Variants in FAM135B observed in about 807,000 individuals in gnomAD.
FAM135B encodes protein FAM135B.
In FAM135B, 43 loss-of-function variants were observed where a neutral mutation model predicts 127.7. The ratio of observed to expected loss-of-function variants is 0.34; its 90% CI spans 0.26 to 0.43. The LOEUF (loss-of-function observed/expected upper bound fraction) is 0.43, where lower values mean the gene tolerates loss of function less well. Ranked by LOEUF, FAM135B falls within the 20% of genes least tolerant of loss-of-function variation. FAM135B has a pLI of 1.00. For synonymous variants in FAM135B, 670 were observed against 665.1 expected (o/e 1.01, Z -0.11); for missense variants, 1,558 against 1,725.6 (o/e 0.90, Z 1.72).
chr8:138,490,327 G>A (rs533050457), intron 1 of FAM135B, among the ~76,000 whole-genome samples: 6 of 152,330 alleles, frequency 3.9e-5, no homozygotes, highest in African/African-American at 1.4e-4. Context: ...AGGGACTCAA[G>A]ATCTAGACAA....
chr8:138,205,912 C>T (rs1021939435), intron 7 of FAM135B, among the ~76,000 whole-genome samples: 1 of 151,880 alleles, frequency 6.6e-6, no homozygotes, highest in Admixed American at 6.5e-5. Context: ...ACCCAGGTAT[C>T]TGTTCCATTA....
chr8:138,469,089 AAAGG>A (rs1250190187), intron 1 of FAM135B, among the ~76,000 whole-genome samples: 7 of 151,944 alleles, frequency 4.6e-5, no homozygotes, highest in Middle Eastern at 3.4e-3. Flanking sequence ...AAAGAAAGAA[AAAGG>A]AAGGAAGGAA....
intron 7 of FAM135B, among the ~76,000 whole-genome samples, chr8:138,208,239 C>T (rs1292496756): frequency 1.3e-5 from 2 of 152,062 alleles, no homozygotes; most frequent in Admixed American, 6.6e-5. Context: ...CCCATTTCAA[C>T]AAGTCTGTTT....
chr8:138,284,945 T>C (rs1824551874), intron 3 of FAM135B, among the ~76,000 whole-genome samples: 1 of 151,992 alleles, frequency 6.6e-6, no homozygotes, highest in Non-Finnish European at 1.5e-5. Context: ...ATTGGCTGAA[T>C]GTGGAACTTT....
chr8:138,223,540 G>C (rs575509044), intron 7 of FAM135B, among the ~76,000 whole-genome samples: 6 of 152,304 alleles, frequency 3.9e-5, no homozygotes, highest in Admixed American at 3.9e-4. Context: ...AGAGGATCCT[G>C]AAGGGTATCC....
intron 16 of FAM135B, 129 bp downstream of exon 16, chr8:138,142,883 T>G: frequency 1.7e-6 from 1 of 598,048 alleles, no homozygotes; most frequent in Non-Finnish European, 3.0e-6. Flanking sequence ...AAAAGTAATT[T>G]ATTAAAAGTC....
chr8:138,365,789 T>C (rs1400020388), intron 2 of FAM135B, among the ~76,000 whole-genome samples: 1 of 152,210 alleles, frequency 6.6e-6, no homozygotes, highest in Non-Finnish European at 1.5e-5. Flanking sequence ...TAGAGCTGTA[T>C]GTAACTGGCC....
intron 1 of FAM135B, 84 bp downstream of exon 1, chr8:138,496,587 C>G (rs1587569534): frequency 6.6e-6 from 1 of 152,296 alleles, no homozygotes; most frequent in Non-Finnish European, 1.5e-5. Flanking sequence ...GAAAGCCATC[C>G]AACTGGCAAC....
intron 2 of FAM135B, among the ~76,000 whole-genome samples, chr8:138,347,086 T>C (rs949337448): frequency 4.0e-5 from 6 of 149,398 alleles, no homozygotes; most frequent in Non-Finnish European, 7.4e-5. Flanking sequence ...GAAGAATGAA[T>C]GGAGGAATGA....
At chr8:138,397,568 A>G (rs1454840947) in intron 1 of FAM135B, among the ~76,000 whole-genome samples, 1 of 152,206 alleles carries the variant, frequency 6.6e-6, no homozygotes, top group Admixed American at 6.5e-5. Context: ...CACACATCCC[A>G]TAACTCAGTG....
chr8:138,140,617 T>C (rs1204442447), intron 17 of FAM135B, among the ~76,000 whole-genome samples: 1 of 151,366 alleles, frequency 6.6e-6, no homozygotes, highest in Non-Finnish European at 1.5e-5. Flanking sequence ...CCTTATTTCC[T>C]TCCCCTGTGT....
chr8:138,182,009 T>G (rs1197412062), intron 9 of FAM135B, among the ~76,000 whole-genome samples: 1 of 152,154 alleles, frequency 6.6e-6, no homozygotes, highest in Non-Finnish European at 1.5e-5. Context: ...TCGGTGTCCG[T>G]GGGAGGTGTC....
At chr8:138,288,585 T>C (rs1380191536) in intron 3 of FAM135B, among the ~76,000 whole-genome samples, 1 of 152,054 alleles carries the variant, frequency 6.6e-6, no homozygotes, top group Non-Finnish European at 1.5e-5. Flanking sequence ...GCAGGAGATG[T>C]TGAGGAAACG....
At chr8:138,319,651 T>C (rs1290750313) in intron 2 of FAM135B, among the ~76,000 whole-genome samples, 1 of 152,152 alleles carries the variant, frequency 6.6e-6, no homozygotes, top group Non-Finnish European at 1.5e-5. Context: ...ACAAAAATAG[T>C]CATCCTTTAT....
At chr8:138,256,577 T>C in intron 5 of FAM135B, 112 bp downstream of exon 5, 1 of 852,780 alleles carries the variant, frequency 1.2e-6, no homozygotes, top group South Asian at 1.6e-5. Context: ...TATCAGGAGA[T>C]GCTGATCTGA....
chr8:138,237,632 T>C (rs544203457), intron 7 of FAM135B, among the ~76,000 whole-genome samples: 29 of 152,202 alleles, frequency 1.9e-4, no homozygotes, highest in Non-Finnish European at 3.7e-4. Context: ...TCATTAGACT[T>C]TGAGTAAAGC....
chr8:138,356,878 G>T (rs1173853162), intron 2 of FAM135B, among the ~76,000 whole-genome samples: 2 of 152,072 alleles, frequency 1.3e-5, no homozygotes, highest in Non-Finnish European at 2.9e-5. Context: ...ATACCATGAA[G>T]TTTCTTAATC....
At chr8:138,245,560 T>C (rs1369472834) in intron 6 of FAM135B, among the ~76,000 whole-genome samples, 3 of 152,168 alleles carry the variant, frequency 2.0e-5, no homozygotes, top group Admixed American at 6.5e-5. Flanking sequence ...CCACCATGAT[T>C]GTAAGTTTCC....
At chr8:138,325,471 C>A (rs545184552) in intron 2 of FAM135B, among the ~76,000 whole-genome samples, 2 of 152,120 alleles carry the variant, frequency 1.3e-5, no homozygotes, top group African/African-American at 2.4e-5. Flanking sequence ...CAAAGGAAAT[C>A]TGAAACCCAA....
Sources: gnomAD v4.1 joint callset for allele counts (sites outside exome capture counted in the v4.1 genomes callset) on GRCh38, gnomAD v4.1.1 for gene constraint, MANE v1.5 for transcripts, NCBI Gene and HGNC (gene_info 2026-07-23, HGNC 2026-07-21) for gene names.